PRR16: variants seen among roughly 807,000 people sequenced by gnomAD.
PRR16 encodes the protein protein Largen.
PRR16 carries 6 observed loss-of-function variants against 18.2 expected under a neutral mutation model. The ratio of observed to expected loss-of-function variants is 0.33; its 90% CI spans 0.18 to 0.65. The LOEUF (loss-of-function observed/expected upper bound fraction) is 0.65, where lower values mean the gene tolerates loss of function less well. Ranked by LOEUF, PRR16 falls within the 30% of genes least tolerant of loss-of-function variation. The probability of loss-of-function intolerance (pLI) is 0.74; values close to 1 mark genes in which losing one functional copy is unlikely to be tolerated. For missense variants in PRR16, 412 were observed against 376.6 expected (o/e 1.09, Z -0.78); for synonymous variants, 151 against 147.8 (o/e 1.02, Z -0.16).
At chr5:120,502,030 T>G (rs1750477347) in intron 1 of PRR16, among the ~76,000 whole-genome samples, 1 of 143,200 alleles carries the variant, frequency 7.0e-6, no homozygotes, top group African/African-American at 2.5e-5. Flanking sequence ...GAAGGGGGAC[T>G]CAAGTACTCC....
chr5:120,501,277 T>A (rs1360356952), intron 1 of PRR16, among the ~76,000 whole-genome samples: 1 of 152,206 alleles, frequency 6.6e-6, no homozygotes, highest in Non-Finnish European at 1.5e-5. Context: ...TACCATTAAT[T>A]TTTATGTGAA....
intron 1 of PRR16, among the ~76,000 whole-genome samples, chr5:120,546,937 T>G (rs1317023075): frequency 6.6e-6 from 1 of 152,086 alleles, no homozygotes; most frequent in Non-Finnish European, 1.5e-5. Flanking sequence ...GCTAGTTATA[T>G]CGATACTCAC....
chr5:120,787,975 GCTT>G, the PRR16 span, among the ~76,000 whole-genome samples: 1,459 of 151,718 alleles, frequency 9.6e-3, 10 homozygotes, highest in Non-Finnish European at 0.017. Context: ...TCTCTCTCTT[GCTT>G]CTATGCCTTT....
the PRR16 span, among the ~76,000 whole-genome samples, chr5:120,713,262 G>A: frequency 0.34 from 51,560 of 151,924 alleles, 10,806 homozygotes; most frequent in Middle Eastern, 0.52. Flanking sequence ...TTTCACTTAC[G>A]TGTAAAATCT....
intron 1 of PRR16, among the ~76,000 whole-genome samples, chr5:120,672,756 T>G (rs776176787): frequency 7.9e-5 from 12 of 152,168 alleles, no homozygotes; most frequent in Non-Finnish European, 1.8e-4. Context: ...GAGGATTTGT[T>G]TAATTCATAC....
At chr5:120,493,815 A>G (rs1488290815) in intron 1 of PRR16, among the ~76,000 whole-genome samples, 2 of 152,038 alleles carry the variant, frequency 1.3e-5, no homozygotes, top group Non-Finnish European at 2.9e-5. Flanking sequence ...GGCTTTTTTC[A>G]CTGAACATAA....
the PRR16 span, among the ~76,000 whole-genome samples, chr5:120,771,408 G>C: frequency 6.6e-6 from 1 of 152,024 alleles, no homozygotes; most frequent in Admixed American, 6.6e-5. Flanking sequence ...AGATGATGCA[G>C]CATACTATAC....
chr5:120,577,057 T>C (rs1481212551), intron 1 of PRR16, among the ~76,000 whole-genome samples: 2 of 152,082 alleles, frequency 1.3e-5, no homozygotes, highest in African/African-American at 4.8e-5. Flanking sequence ...CGCTGAAAGA[T>C]TCTTTTTTTT....
chr5:120,478,992 G>A (rs1440106771), intron 1 of PRR16, among the ~76,000 whole-genome samples: 3 of 151,894 alleles, frequency 2.0e-5, no homozygotes, highest in African/African-American at 4.8e-5. Flanking sequence ...CAAGCAGATT[G>A]GTAAGACCTA....
At chr5:120,691,722 C>G (rs1757211531), downstream of PRR16, among the ~76,000 whole-genome samples, 1 of 152,122 alleles carries the variant, frequency 6.6e-6, no homozygotes, top group African/African-American at 2.4e-5. Context: ...TGATTTCCCT[C>G]TATTTCATAA....
At chr5:120,488,454 C>T (rs1302056291) in intron 1 of PRR16, among the ~76,000 whole-genome samples, 2 of 152,144 alleles carry the variant, frequency 1.3e-5, no homozygotes. Flanking sequence ...TTATAGTATT[C>T]TCTGACGGTA....
chr5:120,649,284 C>T (rs752576078), intron 1 of PRR16, among the ~76,000 whole-genome samples: 4 of 151,998 alleles, frequency 2.6e-5, no homozygotes, highest in Non-Finnish European at 5.9e-5. Flanking sequence ...GTATTTTTCT[C>T]TAGGAAGTTA....
At chr5:120,754,614 ATTATATATTT>A in the PRR16 span, among the ~76,000 whole-genome samples, 11 of 70,268 alleles carry the variant, frequency 1.6e-4, no homozygotes, top group Non-Finnish European at 2.6e-4. Flanking sequence ...GTTATATATT[ATTATATATTT>A]ATATATAATA....
intron 1 of PRR16, among the ~76,000 whole-genome samples, chr5:120,534,127 T>C (rs1751639551): frequency 6.6e-6 from 1 of 152,158 alleles, no homozygotes; most frequent in South Asian, 2.1e-4. Context: ...AGCAATTGTA[T>C]AAACAATTTA....
chr5:120,618,973 C>CA (rs772289340), intron 1 of PRR16, among the ~76,000 whole-genome samples: 2 of 151,680 alleles, frequency 1.3e-5, no homozygotes, highest in Non-Finnish European at 2.9e-5. Context: ...AAAGTCAGAA[C>CA]AAAAAGTGCT....
chr5:120,539,309 G>A (rs1751831823), intron 1 of PRR16, among the ~76,000 whole-genome samples: 1 of 149,930 alleles, frequency 6.7e-6, no homozygotes, highest in African/African-American at 2.4e-5. Context: ...TATTTTCCCT[G>A]GAAGATTAAA....
the PRR16 span, among the ~76,000 whole-genome samples, chr5:120,735,747 CAT>C: frequency 6.6e-6 from 1 of 152,104 alleles, no homozygotes; most frequent in South Asian, 2.1e-4. Flanking sequence ...CCTTATCAGA[CAT>C]ATGATTTACA....
At chr5:120,769,237 TG>T in the PRR16 span, among the ~76,000 whole-genome samples, 4 of 151,806 alleles carry the variant, frequency 2.6e-5, no homozygotes, top group African/African-American at 9.7e-5. Flanking sequence ...ATATATTTAA[TG>T]TATATAATTT....
At chr5:120,621,711 G>A (rs1754695068) in intron 1 of PRR16, among the ~76,000 whole-genome samples, 1 of 152,010 alleles carries the variant, frequency 6.6e-6, no homozygotes, top group African/African-American at 2.4e-5. Flanking sequence ...TTCCTACTTT[G>A]TACTTTGGTT....
Sources: gnomAD v4.1 joint callset for allele counts (sites outside exome capture counted in the v4.1 genomes callset) on GRCh38, gnomAD v4.1.1 for gene constraint, MANE v1.5 for transcripts, NCBI Gene and HGNC (gene_info 2026-07-23, HGNC 2026-07-21) for gene names.